LRRC72: variants seen among roughly 807,000 people sequenced by gnomAD.
The protein encoded by LRRC72 is leucine rich repeat containing 72, also known as leucine-rich repeat-containing protein 72.
Under a neutral mutation model 35.8 loss-of-function variants are expected in LRRC72, and 41 were observed. The observed-to-expected ratio is 1.15, with a 90% CI of 0.89 to 1.49. The LOEUF (loss-of-function observed/expected upper bound fraction) is 1.49. LRRC72 is among the 40% of genes most tolerant of loss of function. The probability of loss-of-function intolerance (pLI) is 0.00; values close to 1 mark genes in which losing one functional copy is unlikely to be tolerated. For synonymous variants in LRRC72, 118 were observed against 119.2 expected, an observed-to-expected ratio of 0.99 and a Z score of 0.07; for missense variants, 389 against 330.7, an observed-to-expected ratio of 1.18 and a Z score of -1.37.
chr7:16,567,389 A>C lies in LRRC72; in HGVS notation c.518-2A>C. On this transcript the variant is annotated splice_acceptor_variant, in intron 6 of 8. Transcript: ENST00000401542. LOFTEE classifies it high-confidence loss of function. ...AATAACATTACTTTTTGCATTTATC[A>C]GAAGTTACAGAAAAAGAAAGAAGAT... The C allele has an allele frequency of 4.8e-6, 7 of 1,472,700 alleles. No homozygotes were observed. Among genetic ancestry groups the C allele is most frequent in the Non-Finnish European group, 5.4e-6 (6 of 1,107,512 alleles). 91.2% of individuals were successfully genotyped at this position (1,472,700 alleles called of 1,614,324 possible).
chr7:16,532,678 T>A, intron 2 of LRRC72, 110 bp downstream of exon 2: 1 of 831,260 alleles, frequency 1.2e-6, no homozygotes, highest in Non-Finnish European at 2.0e-6. Context: ...AAGGACTGGG[T>A]AGGACTCCAA....
intron 7 of LRRC72, among the ~76,000 whole-genome samples, chr7:16,571,863 A>G (rs1782951740): frequency 6.6e-6 from 1 of 152,116 alleles, no homozygotes; most frequent in African/African-American, 2.4e-5. Context: ...AGTCCCCTAA[A>G]AAGGAGTCTG....
intron 6 of LRRC72, 101 bp downstream of exon 6, chr7:16,566,503 A>G: frequency 1.7e-6 from 1 of 602,894 alleles, no homozygotes; most frequent in Non-Finnish European, 2.7e-6. Context: ...CTTTGTAAAA[A>G]ATATATCTTT....
chr7:16,581,193 T>C, intron 8 of LRRC72, 131 bp from the exon 9 acceptor site: 2 of 661,104 alleles, frequency 3.0e-6, no homozygotes, highest in Non-Finnish European at 4.5e-6. Context: ...CCGCAAATTA[T>C]TTGTTAGTGG....
rs1259579147 is a variant in LRRC72, at chr7:16,526,879, C to A, written c.-74C>A. 9.0e-6 allele frequency: 11 copies of A among 1,215,788 alleles called. No homozygotes were observed. In the East Asian group the frequency reaches 2.0e-4, roughly 23 times the overall value. The allele number at this position is 1,215,788 out of a possible 1,614,324, so 75.3% of individuals were successfully genotyped here. A position where few individuals can be genotyped will look rare whatever the true frequency, so the allele number is the denominator to read the frequency against. ...ACAGAACAACGAGCTGTGCACCAAG[C>A]CAAGTCTCTCTTCGGTGCCACCGGC... On this transcript the variant is annotated 5_prime_UTR_variant, in exon 1 of 9. Coordinates refer to ENST00000401542, the MANE Select transcript of LRRC72 (RefSeq NM_001195280.2).
intron 2 of LRRC72, among the ~76,000 whole-genome samples, chr7:16,534,815 C>G (rs1782225707): frequency 6.6e-6 from 1 of 152,004 alleles, no homozygotes; most frequent in Non-Finnish European, 1.5e-5. Context: ...TAGGGTGCCC[C>G]AAGGTCCAAG....
At chr7:16,572,042 A>G (rs1171529157) in intron 7 of LRRC72, among the ~76,000 whole-genome samples, 1 of 152,202 alleles carries the variant, frequency 6.6e-6, no homozygotes. Context: ...AAGCTTGAGT[A>G]GGTGGTTTTC....
chr7:16,554,642 A>G (rs1231659355), intron 3 of LRRC72, among the ~76,000 whole-genome samples: 1 of 152,124 alleles, frequency 6.6e-6, no homozygotes, highest in East Asian at 1.9e-4. Context: ...ATTCTTCTAA[A>G]CAAGATCTTT....
At chr7:16,533,891 G>A (rs1021974647) in intron 2 of LRRC72, among the ~76,000 whole-genome samples, 4 of 152,110 alleles carry the variant, frequency 2.6e-5, no homozygotes, top group Admixed American at 2.6e-4. Flanking sequence ...TATTTCATGT[G>A]GTCAAAAGAT....
intron 7 of LRRC72, among the ~76,000 whole-genome samples, chr7:16,576,014 G>A (rs2128339240): frequency 6.6e-6 from 1 of 152,238 alleles, no homozygotes; most frequent in South Asian, 2.1e-4. Context: ...AAAATCAGGA[G>A]CAGAAAAGAT....
intron 3 of LRRC72, among the ~76,000 whole-genome samples, chr7:16,548,738 G>C (rs1021043726): frequency 1.3e-5 from 2 of 152,210 alleles, no homozygotes; most frequent in Non-Finnish European, 1.5e-5. Context: ...AGCCTTCCAG[G>C]CTGAGTGGGC....
chr7:16,541,228 T>C (rs765328550), intron 3 of LRRC72, among the ~76,000 whole-genome samples: 33 of 152,236 alleles, frequency 2.2e-4, no homozygotes, highest in Non-Finnish European at 7.3e-5. Flanking sequence ...TCCGACAGCT[T>C]GTATTTGTTC....
intron 8 of LRRC72, among the ~76,000 whole-genome samples, chr7:16,580,474 C>G (rs973050283): frequency 1.3e-5 from 2 of 152,072 alleles, no homozygotes; most frequent in Non-Finnish European, 2.9e-5. Context: ...GAAAACCTGC[C>G]TCTACTAAAA....
chr7:16,554,433 C>G (rs905258114), intron 3 of LRRC72, among the ~76,000 whole-genome samples: 3 of 152,268 alleles, frequency 2.0e-5, no homozygotes, highest in East Asian at 3.9e-4. Context: ...TGCTATCTTG[C>G]AATGTCTATT....
intron 2 of LRRC72, among the ~76,000 whole-genome samples, chr7:16,533,046 T>C (rs543698876): frequency 7.1e-4 from 108 of 152,280 alleles, no homozygotes; most frequent in Middle Eastern, 3.4e-3. Flanking sequence ...TTATACTACC[T>C]CATTCTCAGG....
intron 3 of LRRC72, among the ~76,000 whole-genome samples, chr7:16,550,913 A>C (rs147578990): frequency 6.0e-4 from 92 of 152,242 alleles, no homozygotes; most frequent in African/African-American, 2.1e-3. Flanking sequence ...GTTTTCCTTG[A>C]TTATACTTCC....
intron 1 of LRRC72, among the ~76,000 whole-genome samples, chr7:16,528,200 A>T (rs1782104781): frequency 6.6e-6 from 1 of 152,000 alleles, no homozygotes; most frequent in African/African-American, 2.4e-5. Context: ...CTCACTTGAC[A>T]ATCATCCTCC....
intron 4 of LRRC72, among the ~76,000 whole-genome samples, chr7:16,558,623 TA>T (rs1427207319): frequency 1.3e-5 from 2 of 151,292 alleles, no homozygotes; most frequent in East Asian, 1.9e-4. Flanking sequence ...AAAATAAAAA[TA>T]AAAAAAAGGA....
chr7:16,537,683 T>A lies in LRRC72; in HGVS notation c.221T>A (p.Leu74His). The A allele has an allele frequency of 6.6e-7, 1 of 1,504,320 alleles. No individual in the cohort carries two copies. The highest frequency in any genetic ancestry group is 1.3e-5 in the South Asian group (1 of 79,234). The allele number at this position is 1,504,320 out of a possible 1,614,324, so 93.2% of individuals were successfully genotyped here. The change falls in exon 3 of 9, where the codon CTT becomes CAT. Residue 74 changes from leucine (L) to histidine (H), a missense_variant. Leu to His is a moderately conservative substitution (Grantham distance 99, BLOSUM62 -3). Coordinates refer to ENST00000401542, the MANE Select transcript of LRRC72 (RefSeq NM_001195280.2). ...SRFKKLKYLW[L>H]HHNKLHGITF... Reference sequence around the variant, plus strand: ...TTTAAAAAATTAAAATACTTATGGCTTCATCATAACAAGGTAGTGTTTTAT... The same window carrying A: ...TTTAAAAAATTAAAATACTTATGGCATCATCATAACAAGGTAGTGTTTTAT...
Sources: gnomAD v4.1 joint callset for allele counts (sites outside exome capture counted in the v4.1 genomes callset) on GRCh38, gnomAD v4.1.1 for gene constraint, MANE v1.5 for transcripts, NCBI Gene and HGNC (gene_info 2026-07-23, HGNC 2026-07-21) for gene names.